The following ZEB2 variants were observed in gnomAD, a reference collection of about 807,000 sequenced individuals.
The protein encoded by ZEB2 is zinc finger E-box-binding homeobox 2.
In ZEB2, 6 loss-of-function variants were observed where a neutral mutation model predicts 99.9. The ratio of observed to expected loss-of-function variants is 0.06; its 90% CI spans 0.03 to 0.12. ZEB2 has a LOEUF of 0.12. Ranked by LOEUF, ZEB2 falls within the 10% of genes least tolerant of loss-of-function variation. The probability of loss-of-function intolerance (pLI) is 1.00; values close to 1 mark genes in which losing one functional copy is unlikely to be tolerated. For synonymous variants in ZEB2, 517 were observed against 542.5 expected, an observed-to-expected ratio of 0.95 and a Z score of 0.65; for missense variants, 969 against 1,502.8, an observed-to-expected ratio of 0.64 and a Z score of 5.87.
intron 2 of ZEB2, among the ~76,000 whole-genome samples, chr2:144,453,055 A>AT (rs1404315345): frequency 2.0e-5 from 3 of 152,200 alleles, no homozygotes; most frequent in African/African-American, 7.2e-5. Flanking sequence ...GTCCTAACTA[A>AT]TCCAAAACCA....
intron 2 of ZEB2, among the ~76,000 whole-genome samples, chr2:144,481,119 C>T (rs997518673): frequency 9.2e-5 from 14 of 151,776 alleles, no homozygotes; most frequent in Admixed American, 3.3e-4. Context: ...AGAGGAGAAA[C>T]GAAGAGGAAA....
chr2:144,415,742 T>A (rs1052858899), intron 4 of ZEB2, among the ~76,000 whole-genome samples: 1 of 152,336 alleles, frequency 6.6e-6, no homozygotes, highest in Non-Finnish European at 1.5e-5. Flanking sequence ...TTATGAACCA[T>A]TAACACTGTA....
At chr2:144,435,195 C>T (rs182622043) in intron 2 of ZEB2, among the ~76,000 whole-genome samples, 88 of 152,228 alleles carry the variant, frequency 5.8e-4, no homozygotes, top group Non-Finnish European at 2.9e-5. Context: ...GCAAATGCTT[C>T]CTCAAGTAGG....
chr2:144,414,024 G>C (rs1239345320), intron 4 of ZEB2, among the ~76,000 whole-genome samples: 1 of 152,136 alleles, frequency 6.6e-6, no homozygotes, highest in Non-Finnish European at 1.5e-5. Flanking sequence ...TGCTGGCTAG[G>C]CTGCCAACCT....
chr2:144,406,150 G>A (rs751146974), intron 4 of ZEB2, among the ~76,000 whole-genome samples: 7 of 151,960 alleles, frequency 4.6e-5, no homozygotes, highest in Non-Finnish European at 7.4e-5. Context: ...AGGGTGATGC[G>A]CAAGCAAGCT....
In ZEB2 at chr2:144,384,661, C is replaced by T. The variant is rs567150431; in HGVS notation, c.*4790G>A. The T allele has an allele frequency of 1.6e-4, 24 of 149,992 alleles. No individual in the cohort carries two copies. The East Asian group carries it at 3.1e-3, about 19-fold the overall frequency. 9.3% of individuals were successfully genotyped at this position (149,992 alleles called of 1,614,324 possible). A position where few individuals can be genotyped will look rare whatever the true frequency, so the allele number is the denominator to read the frequency against. On this transcript the variant is annotated 3_prime_UTR_variant, in exon 10 of 10. Transcript: ENST00000627532. ...GAAAACTCTCCAATAAAAATATTGT[C>T]TAAAAAGTTTGTTTTGTCTGCATGA...
chr2:144,494,192 TC>T (rs1704728108), intron 2 of ZEB2: 2 of 133,024 alleles, frequency 1.5e-5, no homozygotes, highest in East Asian at 4.3e-4. Flanking sequence ...TGTCAAAAAC[TC>T]TAATAAAACA....
chr2:144,396,966 T>C (rs1703237709), intron 8 of ZEB2, among the ~76,000 whole-genome samples: 1 of 152,210 alleles, frequency 6.6e-6, no homozygotes, highest in Non-Finnish European at 1.5e-5. Context: ...ACTTTAGAAA[T>C]GATCTGTAGC....
chr2:144,405,358 A>G, intron 4 of ZEB2: 1 of 302,320 alleles, frequency 3.3e-6, no homozygotes, highest in Non-Finnish European at 6.3e-6. Flanking sequence ...TCTAAGATCC[A>G]TAAACATTAA....
intron 4 of ZEB2, among the ~76,000 whole-genome samples, chr2:144,408,920 C>CA (rs1440509012): frequency 1.4e-4 from 21 of 148,228 alleles, no homozygotes; most frequent in Non-Finnish European, 2.2e-4. Flanking sequence ...GACTTTGTTC[C>CA]AGAAAAAGCA....
intron 1 of ZEB2, chr2:144,517,853 GAAAC>G (rs1000769082): frequency 7.9e-4 from 416 of 524,778 alleles, no homozygotes; most frequent in East Asian, 1.4e-3. Flanking sequence ...ATTCCCAGAG[GAAAC>G]AAACAAACAA....
rs1384600680 is a variant in ZEB2, at chr2:144,389,010, C to T, written c.*441G>A. 2.6e-6 allele frequency: 1 copy of T among 388,362 alleles called. No individual in the cohort carries two copies. Among genetic ancestry groups the T allele is most frequent in the Admixed American group, 4.0e-5 (1 of 25,034 alleles). The allele number at this position is 388,362 out of a possible 1,614,324, so 24.1% of individuals were successfully genotyped here. A position where few individuals can be genotyped will look rare whatever the true frequency, so the allele number is the denominator to read the frequency against. On this transcript the variant is annotated 3_prime_UTR_variant, in exon 10 of 10. Coordinates refer to ENST00000627532, the MANE Select transcript of ZEB2 (RefSeq NM_014795.4). The surrounding 1 kb of genome is among the most constrained non-coding windows in gnomAD (Gnocchi z 6.8). ...ATCATAATACTGATGCATTGTAGTG[C>T]GAGCACATTAAATTAAAAAGGAATA...
intron 2 of ZEB2, among the ~76,000 whole-genome samples, chr2:144,432,715 C>T (rs1020913352): frequency 2.0e-5 from 3 of 152,082 alleles, no homozygotes; most frequent in East Asian, 1.9e-4. Flanking sequence ...TGGGTTTAGC[C>T]GCACTTACAT....
intron 2 of ZEB2, among the ~76,000 whole-genome samples, chr2:144,473,736 C>T (rs530242660): frequency 5.3e-5 from 8 of 152,056 alleles, no homozygotes; most frequent in African/African-American, 1.7e-4. Context: ...GAACATGTAG[C>T]GTGGAGGAGA....
Position 144,398,420 on chromosome 2 carries a change from A to G in ZEB2, c.2767T>C (p.Tyr923His), listed in dbSNP as rs1703258946. ...VQTSIPGLRP[Y>H]PGLDQMSFLP... ...AAGCTCATCTGATCCAGTCCTGGGT[A>G]TGGTCGTAGCCCAGGAATACTGGTC... Residue 923 changes from tyrosine (Y) to histidine (H), a missense_variant, in exon 8 of 10, where the codon TAC (tyrosine) becomes CAC (histidine). Transcript: ENST00000627532. 1 of 1,614,106 alleles carries G rather than the reference A, an allele frequency of 6.2e-7. No homozygotes were observed. Among genetic ancestry groups the G allele is most frequent in the Non-Finnish European group, 8.5e-7 (1 of 1,179,980 alleles).
chr2:144,424,637 G>A (rs1000340620), intron 4 of ZEB2, among the ~76,000 whole-genome samples, 159 bp downstream of exon 4: 4 of 152,154 alleles, frequency 2.6e-5, no homozygotes, highest in Non-Finnish European at 5.9e-5. Flanking sequence ...ATACCAAAAT[G>A]TAGGAAATTT....
At chr2:144,490,327 T>G (rs968168402) in intron 2 of ZEB2, among the ~76,000 whole-genome samples, 32 of 152,322 alleles carry the variant, frequency 2.1e-4, no homozygotes, top group African/African-American at 7.5e-4. Flanking sequence ...ATAATAATGA[T>G]ACAATAAATG....
intron 2 of ZEB2, among the ~76,000 whole-genome samples, chr2:144,452,275 C>A (rs1308958856): frequency 6.6e-6 from 1 of 152,000 alleles, no homozygotes; most frequent in Non-Finnish European, 1.5e-5. Flanking sequence ...CTTTTCTGTA[C>A]CACATGCCAC....
At chr2:144,480,264 A>G (rs1704491877) in intron 2 of ZEB2, among the ~76,000 whole-genome samples, 1 of 152,104 alleles carries the variant, frequency 6.6e-6, no homozygotes, top group South Asian at 2.1e-4. Context: ...CACCTGGGAG[A>G]AATTCCCCAG....
Sources: allele counts gnomAD v4.1 joint callset (sites outside exome capture counted in the v4.1 genomes callset), GRCh38; gene constraint gnomAD v4.1.1; non-coding constraint Gnocchi (gnomAD v3.1); transcripts MANE v1.5; gene names NCBI Gene and HGNC (gene_info 2026-07-23, HGNC 2026-07-21).